PRSS33: variants seen among roughly 807,000 people sequenced by gnomAD.
The protein encoded by PRSS33 is serine protease 33, also known as protease, serine 33.
A neutral mutation model predicts 26.7 loss-of-function variants in PRSS33; 32 were observed. The observed-to-expected ratio is 1.20, with a 90% CI of 0.90 to 1.61. PRSS33 has a LOEUF of 1.61. PRSS33 is among the 40% of genes most tolerant of loss of function. The pLI is 0.00. For missense variants in PRSS33, 450 were observed against 396.3 expected (o/e 1.14, Z -1.15); for synonymous variants, 192 against 177.6 (o/e 1.08, Z -0.64).
Position 2,785,180 on chromosome 16 carries a change from A to T in PRSS33, c.515-9T>A, listed in dbSNP as rs1860900402. 2 of 1,534,528 alleles carry T rather than the reference A, an allele frequency of 1.3e-6. No homozygotes were observed. Among genetic ancestry groups the T allele is most frequent in the South Asian group, 2.4e-5 (2 of 83,782 alleles). On this transcript the variant is annotated splice_polypyrimidine_tract_variant and intron_variant, in intron 5 of 6. Transcript: ENST00000682474. ...CCACTCTGGGAGGGGCACTGGGGGA[A>T]GAGGAGGGACCTCTGAGAGGAAGGC... is the stretch of plus-strand genomic sequence containing the variant.
Position 2,785,957 on chromosome 16 carries a change from G to A in PRSS33, c.84C>T (p.Cys28=). The A allele has an allele frequency of 1.9e-6, 3 of 1,612,742 alleles. No individual in the cohort carries two copies. Among genetic ancestry groups the A allele is most frequent in the South Asian group, 1.1e-5 (1 of 91,046 alleles). ...AGTQGRKSAA[C]GQPRMSSRIV... ...TCCGACTGGACATGCGGGGCTGCCC[G>A]CAGGCTAGAAAAGGACCAGGGGCGG... The change falls in exon 4 of 7, where the codon TGC becomes TGT. Residue 28 remains cysteine (C), a synonymous_variant. Transcript: ENST00000682474.
At position 2,786,539 on chromosome 16, in the gene PRSS33, C is replaced by G. The variant is rs1224172133; in HGVS notation, c.9G>C (p.Gly3=). 26 of 1,613,350 alleles carry G rather than the reference C, an allele frequency of 1.6e-5. No homozygotes were observed. The highest frequency in any genetic ancestry group is 2.2e-5 in the Non-Finnish European group (26 of 1,179,716). The change falls in exon 2 of 7, where the codon GGG becomes GGC. Residue 3 remains glycine (G), a synonymous_variant. Coordinates refer to ENST00000682474, the MANE Select transcript of PRSS33 (RefSeq NM_152891.3). MR[G]VSCLQVLLLL... is the part of the protein sequence containing the mutation. Reference sequence around the variant, plus strand: ...GGAGCAGGACCTGGAGACAGGAAACCCCTCTCATTCTGTCTTCAAGGCTGG... The same window carrying G: ...GGAGCAGGACCTGGAGACAGGAAACGCCTCTCATTCTGTCTTCAAGGCTGG...
chr16:2,786,593 T>C lies in PRSS33; in HGVS notation c.-46A>G, dbSNP rs948717430. Reference sequence around the variant, plus strand: ...GGGTAAGGGTGGCACTGCCTAGGGCTTGGACTCTGGTCTGGAGCCAGCAGG... The same window carrying C: ...GGGTAAGGGTGGCACTGCCTAGGGCCTGGACTCTGGTCTGGAGCCAGCAGG... On this transcript the variant is annotated 5_prime_UTR_variant, in exon 2 of 7. Coordinates refer to ENST00000682474, the MANE Select transcript of PRSS33 (RefSeq NM_152891.3). The C allele has an allele frequency of 1.2e-6, 2 of 1,608,852 alleles. No homozygotes were observed. Among genetic ancestry groups the C allele is most frequent in the African/African-American group, 2.7e-5 (2 of 74,722 alleles).
chr16:2,785,360 G>C lies in PRSS33; in HGVS notation c.514+15C>G, dbSNP rs1471072728. ...GGGCTCCCGGATGCCTCGGAGCCCC[G>C]CCCTCCTGCCTTACCTCCTGGGCGG... On this transcript the variant is annotated intron_variant, in intron 5 of 6. Transcript: ENST00000682474. 1.4e-6 allele frequency: 2 copies of C among 1,441,676 alleles called. No individual in the cohort carries two copies. Among genetic ancestry groups the C allele is most frequent in the Non-Finnish European group, 1.8e-6 (2 of 1,105,696 alleles). The allele number at this position is 1,441,676 out of a possible 1,614,324, so 89.3% of individuals were successfully genotyped here.
rs371706924 is a variant in PRSS33 at position 2,785,010 on chromosome 16, C to T, written c.676G>A (p.Ala226Thr). 6 of 1,596,246 alleles carry T rather than the reference C, an allele frequency of 3.8e-6. No individual in the cohort carries two copies. Among genetic ancestry groups the T allele is most frequent in the South Asian group, 2.3e-5 (2 of 88,608 alleles). The change falls in exon 6 of 7, where the codon GCC becomes ACC. Residue 226 changes from alanine to threonine, a missense_variant. By Grantham distance (58) the Ala-to-Thr change is moderately conservative. Coordinates refer to ENST00000682474, the MANE Select transcript of PRSS33 (RefSeq NM_152891.3). ...CAGYPQGHKD[A>T]CQGDSGGPLT... ...GGAGGCTGGGTGCACACCTGGCAGG[C>T]GTCCTTGTGGCCCTGGGGGTAGCCG...
At chr16:2,784,973 T>A (rs1359268498) in intron 6 of PRSS33, 29 bp downstream of exon 6, 13 of 1,591,814 alleles carry the variant, frequency 8.2e-6, no homozygotes, top group Non-Finnish European at 1.1e-5. Flanking sequence ...GGGAGGGGAC[T>A]CCGGAGGCTG....
Position 2,786,127 on chromosome 16 carries a change from G to A in PRSS33, c.47-6C>T, listed in dbSNP as rs771230177. On this transcript the variant is annotated splice_polypyrimidine_tract_variant and splice_region_variant and intron_variant, in intron 2 of 6. Coordinates refer to ENST00000682474, the MANE Select transcript of PRSS33 (RefSeq NM_152891.3). ...TCCCTGAGTCCCAGCAGCTCCTGGA[G>A]GAGGAAGCAGGGAAGGGACCAGATT... 3.0e-5 allele frequency: 49 copies of A among 1,612,492 alleles called. No homozygotes were observed. The highest frequency in any genetic ancestry group is 3.7e-5 in the Non-Finnish European group (44 of 1,178,986).
At chr16:2,786,174 G>A (rs2068872669) in intron 2 of PRSS33, 53 bp from the exon 3 acceptor site, 2 of 1,482,486 alleles carry the variant, frequency 1.3e-6, no homozygotes, top group Admixed American at 1.7e-5. Flanking sequence ...GTCAAATAAC[G>A]GAGTTGGAGG....
At chr16:2,786,687 C>T in intron 1 of PRSS33, 83 bp from the exon 2 acceptor site, 1 of 905,746 alleles carries the variant, frequency 1.1e-6, no homozygotes, top group Non-Finnish European at 1.7e-6. Context: ...CTCCGTGGTC[C>T]TTCTGTCTGT....
rs1336856039 is a variant in PRSS33 at position 2,784,472 on chromosome 16, C to T, written c.*172G>A. 5.4e-6 allele frequency: 3 copies of T among 558,452 alleles called. No homozygotes were observed. The highest frequency in any genetic ancestry group is 3.0e-5 in the East Asian group (1 of 33,394). The allele number at this position is 558,452 out of a possible 1,614,324, so 34.6% of individuals were successfully genotyped here. On this transcript the variant is annotated 3_prime_UTR_variant, in exon 7 of 7. Coordinates refer to ENST00000682474, the MANE Select transcript of PRSS33 (RefSeq NM_152891.3). Reference sequence around the variant, plus strand: ...TTGGTGGAGTCAGAGCTGGTGATCCCCAAAGAGGAGAGGAGGCAGGAGGTG... The same window carrying T: ...TTGGTGGAGTCAGAGCTGGTGATCCTCAAAGAGGAGAGGAGGCAGGAGGTG...
chr16:2,784,588 A>G lies in PRSS33; in HGVS notation c.*56T>C. On this transcript the variant is annotated 3_prime_UTR_variant, in exon 7 of 7. Coordinates refer to ENST00000682474, the MANE Select transcript of PRSS33 (RefSeq NM_152891.3). Reference sequence around the variant, plus strand: ...GGGGTATAGGCAGGTGCCTGGATGAACCAGGAGGCTGAGGGACCCCAGCAG... The same window carrying G: ...GGGGTATAGGCAGGTGCCTGGATGAGCCAGGAGGCTGAGGGACCCCAGCAG... The G allele has an allele frequency of 6.7e-7, 1 of 1,499,794 alleles. No homozygotes were observed. The highest frequency in any genetic ancestry group is 9.0e-7 in the Non-Finnish European group (1 of 1,114,830). The allele number at this position is 1,499,794 out of a possible 1,614,324, so 92.9% of individuals were successfully genotyped here.
Position 2,785,433 on chromosome 16 carries a change from G to A in PRSS33, c.456C>T (p.Ala152=). 3.4e-6 allele frequency: 5 copies of A among 1,469,502 alleles called. No individual in the cohort carries two copies. The highest frequency in any genetic ancestry group is 4.5e-6 in the Non-Finnish European group (5 of 1,121,744). The allele number at this position is 1,469,502 out of a possible 1,614,324, so 91.0% of individuals were successfully genotyped here. ...GGCATGGTGTGCCGGGCGGCGGGCGGGCGCCGGGCACGGGCAGGCAGACGG... is the reference window on the plus strand; with the variant it reads ...GGCATGGTGTGCCGGGCGGCGGGCGAGCGCCGGGCACGGGCAGGCAGACGG... The part of the protein sequence containing the change: ...VQPVCLPVPG[A]RPPPGTPCRV... Residue 152 remains alanine, a synonymous_variant, in exon 5 of 7, where the codon GCC becomes GCT. Transcript: ENST00000682474.
chr16:2,785,311 C>T, intron 5 of PRSS33, 64 bp downstream of exon 5: 1 of 1,458,496 alleles, frequency 6.9e-7, no homozygotes, highest in Non-Finnish European at 9.0e-7. Context: ...GCTGGGATTT[C>T]CAGTCAGATG....
rs1040969167 is a variant in PRSS33 at position 2,787,525 on chromosome 16, G to A, written c.-58+8C>T. Among the ~76,000 whole-genome samples, 10 of 142,090 alleles carry A rather than the reference G, an allele frequency of 7.0e-5. No individual in the cohort carries two copies. Among genetic ancestry groups the A allele is most frequent in the African/African-American group, 2.7e-4 (10 of 36,504 alleles). 93.2% of individuals were successfully genotyped at this position (142,090 alleles called of 152,430 possible). On this transcript the variant is annotated splice_region_variant and intron_variant, in intron 1 of 6. Coordinates refer to ENST00000682474, the MANE Select transcript of PRSS33 (RefSeq NM_152891.3). ...CTGCAGCCCCCACAGCCCCTGGCTT[G>A]CTCTCACCCTCACAGCCTGGCGCCT...
chr16:2,787,557 G>C lies in PRSS33; in HGVS notation c.-82C>G, dbSNP rs1325187357. Among the ~76,000 whole-genome samples the C allele has an allele frequency of 6.9e-6, 1 of 145,756 alleles. No homozygotes were observed. The highest frequency in any genetic ancestry group is 1.5e-5 in the Non-Finnish European group (1 of 66,876). ...CCCTCACAGCCTGGCGCCTTCTGCT[G>C]ACTGGGGTTGAGGGAGGGCCTGGGG... On this transcript the variant is annotated 5_prime_UTR_variant, in exon 1 of 7. Coordinates refer to ENST00000682474, the MANE Select transcript of PRSS33 (RefSeq NM_152891.3).
At chr16:2,786,053 A>T in intron 3 of PRSS33, 36 bp downstream of exon 3, 1 of 1,612,658 alleles carries the variant, frequency 6.2e-7, no homozygotes, top group Non-Finnish European at 8.5e-7. Context: ...GAGGTCCAGG[A>T]GGGGCTGACT....
In PRSS33 at chr16:2,785,424, C is replaced by A. The variant is rs759734919; in HGVS notation, c.465G>T (p.Pro155=). The change falls in exon 5 of 7, where the codon CCG becomes CCT. Residue 155 remains proline, a synonymous_variant. Coordinates refer to ENST00000682474, the MANE Select transcript of PRSS33 (RefSeq NM_152891.3). ...VCLPVPGARP[P]PGTPCRVTGW... ...CGGTGACCCGGCATGGTGTGCCGGGCGGCGGGCGGGCGCCGGGCACGGGCA... is the reference window on the plus strand; with the variant it reads ...CGGTGACCCGGCATGGTGTGCCGGGAGGCGGGCGGGCGCCGGGCACGGGCA... 7.1e-5 allele frequency: 103 copies of A among 1,453,308 alleles called. No individual in the cohort carries two copies. Among genetic ancestry groups the A allele is most frequent in the Admixed American group, 1.4e-4 (5 of 35,748 alleles). 90.0% of individuals were successfully genotyped at this position (1,453,308 alleles called of 1,614,324 possible). A position where few individuals can be genotyped will look rare whatever the true frequency, so the allele number is the denominator to read the frequency against.
Position 2,785,168 on chromosome 16 carries a change from G to T in PRSS33, c.518C>A (p.Pro173His). 2.0e-6 allele frequency: 3 copies of T among 1,537,466 alleles called. No individual in the cohort carries two copies. The highest frequency in any genetic ancestry group is 2.6e-6 in the Non-Finnish European group (3 of 1,145,208). Residue 173 changes from proline (P) to histidine (H), a missense_variant, in exon 6 of 7, where the codon CCC becomes CAC. Transcript: ENST00000682474. ...TGWGSLRPGV[P>H]LPEWRPLQGV... ...TTGTAGCGGTCGCCACTCTGGGAGG[G>T]GCACTGGGGGAAGAGGAGGGACCTC...
chr16:2,785,348 C>T, intron 5 of PRSS33, 27 bp downstream of exon 5: 1 of 1,446,322 alleles, frequency 6.9e-7, no homozygotes, highest in Non-Finnish European at 9.0e-7. Context: ...CTCCCGGATG[C>T]CTCGGAGCCC....
Sources: gnomAD v4.1 joint callset for allele counts (sites outside exome capture counted in the v4.1 genomes callset) on GRCh38, gnomAD v4.1.1 for gene constraint, MANE v1.5 for transcripts, NCBI Gene and HGNC (gene_info 2026-07-23, HGNC 2026-07-21) for gene names.